Variants in UHRF2 observed in about 807,000 individuals in gnomAD.
UHRF2 encodes ubiquitin like with PHD and ring finger domains 2.
A neutral mutation model predicts 96.8 loss-of-function variants in UHRF2; 23 were observed. The observed-to-expected ratio is 0.24, with a 90% CI of 0.17 to 0.34. The LOEUF (loss-of-function observed/expected upper bound fraction) is 0.34, where lower values mean the gene tolerates loss of function less well. Ranked by LOEUF, UHRF2 falls within the 10% of genes least tolerant of loss-of-function variation. UHRF2 has a pLI of 1.00. For synonymous variants in UHRF2, 385 were observed against 332.6 expected, an observed-to-expected ratio of 1.16 and a Z score of -1.72; for missense variants, 685 against 981.5, an observed-to-expected ratio of 0.70 and a Z score of 4.04.
intron 2 of UHRF2, among the ~76,000 whole-genome samples, chr9:6,424,417 T>G (rs1270732199): frequency 2.0e-5 from 3 of 152,226 alleles, no homozygotes; most frequent in Non-Finnish European, 4.4e-5. Flanking sequence ...AACTTGCCAT[T>G]TTTTTCTATA....
At chr9:6,499,744 C>T in intron 12 of UHRF2, 91 bp from the exon 13 acceptor site, 47 of 695,772 alleles carry the variant, frequency 6.8e-5, no homozygotes, top group East Asian at 1.6e-4. Context: ...TGTAGTCTTC[C>T]CCTCCCTTTT....
chr9:6,422,667 T>C, intron 2 of UHRF2: 1 of 647,262 alleles, frequency 1.5e-6, no homozygotes, highest in Non-Finnish European at 2.9e-6. Flanking sequence ...TGTAGTGCAG[T>C]GACGTGAACA....
intron 4 of UHRF2, chr9:6,468,680 C>A: frequency 2.2e-6 from 1 of 456,054 alleles, no homozygotes. Flanking sequence ...TACTGGACTT[C>A]TGCTGGACAA....
intron 9 of UHRF2, 133 bp downstream of exon 9, chr9:6,487,058 C>G (rs2130927814): frequency 1.3e-6 from 1 of 745,628 alleles, no homozygotes; most frequent in African/African-American, 1.8e-5. Context: ...CAGTTTTATA[C>G]AAGTTAGAAA....
intron 8 of UHRF2, among the ~76,000 whole-genome samples, chr9:6,482,427 C>T (rs909462139): frequency 6.6e-6 from 1 of 152,166 alleles, no homozygotes; most frequent in Non-Finnish European, 1.5e-5. Flanking sequence ...GGCAAATTCT[C>T]ATTGAATGTC....
chr9:6,442,472 GTTTTGTT>G (rs1821230470), intron 3 of UHRF2, among the ~76,000 whole-genome samples: 1 of 2,442 alleles, frequency 4.1e-4, no homozygotes, highest in Non-Finnish European at 1.4e-3. Flanking sequence ...GTTTTGTTTT[GTTTTGTT>G]TGTTTTGTTT....
intron 3 of UHRF2, among the ~76,000 whole-genome samples, chr9:6,439,488 A>C (rs1485312398): frequency 6.6e-6 from 1 of 152,244 alleles, no homozygotes; most frequent in Admixed American, 6.5e-5. Context: ...GTCAGCCTTA[A>C]GGCCTACGTT....
intron 3 of UHRF2, among the ~76,000 whole-genome samples, chr9:6,439,523 C>T (rs1821035783): frequency 6.6e-6 from 1 of 152,214 alleles, no homozygotes; most frequent in Admixed American, 6.5e-5. Flanking sequence ...GTGGTTCACA[C>T]CTTTATGCAG....
intron 9 of UHRF2, among the ~76,000 whole-genome samples, chr9:6,488,800 T>A (rs1367856270): frequency 7.0e-6 from 1 of 143,060 alleles, no homozygotes; most frequent in Non-Finnish European, 1.5e-5. Context: ...CCGTGCTGAG[T>A]GTTTTTTTTT....
intron 12 of UHRF2, 148 bp downstream of exon 12, chr9:6,498,306 A>G (rs2130963155): frequency 1.2e-6 from 1 of 852,700 alleles, no homozygotes; most frequent in Non-Finnish European, 1.7e-6. Context: ...AGACAGAGGA[A>G]AAGAAGAGAA....
intron 3 of UHRF2, among the ~76,000 whole-genome samples, chr9:6,460,161 C>T (rs1478475015): frequency 6.6e-6 from 1 of 152,188 alleles, no homozygotes; most frequent in Non-Finnish European, 1.5e-5. Flanking sequence ...TATTCAGTCT[C>T]CCATTGCGAA....
chr9:6,498,267 T>C, intron 12 of UHRF2, 109 bp downstream of exon 12: 1 of 1,215,574 alleles, frequency 8.2e-7, no homozygotes, highest in Non-Finnish European at 1.1e-6. Context: ...TGGTGGACTA[T>C]AAGGGGTGAG....
At position 6,437,097 on chromosome 9, in the gene UHRF2, A is replaced by G. The variant is rs113907603; in HGVS notation, c.644+2924A>G. Among the ~76,000 whole-genome samples the G allele has an allele frequency of 2.0e-3, 299 of 152,358 alleles. 1 individual carries two copies. Among genetic ancestry groups the G allele is most frequent in the African/African-American group, 6.9e-3 (288 of 41,586 alleles). On this transcript the variant is annotated intron_variant, in intron 3 of 15. Transcript: ENST00000276893. ...TGTTAAAGTTTCATTCTTTGTGATC[A>G]TTAGAAAAATGAATTATAAAATATA...
chr9:6,477,819 C>A lies in UHRF2; in HGVS notation c.1160+11C>A. 1 of 1,575,622 alleles carries A rather than the reference C, an allele frequency of 6.3e-7. No homozygotes were observed. Among genetic ancestry groups the A allele is most frequent in the Non-Finnish European group, 8.7e-7 (1 of 1,155,876 alleles). Reference sequence around the variant, plus strand: ...AGAAGAGGAATACTGGTATGATTATCAGGTTTTTGTTGTTGTTGTTCTTGC... The same window carrying A: ...AGAAGAGGAATACTGGTATGATTATAAGGTTTTTGTTGTTGTTGTTCTTGC... On this transcript the variant is annotated intron_variant, in intron 6 of 15. Transcript: ENST00000276893.
intron 10 of UHRF2, 166 bp downstream of exon 10, chr9:6,494,098 T>C (rs1291356224): frequency 3.4e-6 from 2 of 591,718 alleles, no homozygotes; most frequent in Admixed American, 3.2e-5. Context: ...CATCCTAACA[T>C]ATCTTTATAC....
Position 6,460,773 on chromosome 9 carries a change from G to A in UHRF2, c.845G>A (p.Arg282His), listed in dbSNP as rs781418928. 41 of 1,612,168 alleles carry A rather than the reference G, an allele frequency of 2.5e-5. No individual in the cohort carries two copies. The highest frequency in any genetic ancestry group is 1.2e-4 in the African/African-American group (9 of 74,760). Residue 282 changes from arginine to histidine, a missense_variant, in exon 4 of 16, where the codon CGT becomes CAT. Transcript: ENST00000276893. ...ATCTCAAGGACCAAAAAAGAACTTC[G>A]TGTGAAAATTTTCCTGGGGTAAGAT... is the stretch of plus-strand genomic sequence containing the variant. Reference protein sequence around the residue: ...KTISRTKKELRVKIFLGGSEG... With the variant: ...KTISRTKKELHVKIFLGGSEG...
At chr9:6,437,181 G>T (rs965704391) in intron 3 of UHRF2, among the ~76,000 whole-genome samples, 1 of 152,166 alleles carries the variant, frequency 6.6e-6, no homozygotes, top group African/African-American at 2.4e-5. Context: ...AATGGAGGAT[G>T]CATTGAAGAA....
intron 3 of UHRF2, among the ~76,000 whole-genome samples, chr9:6,452,694 A>G (rs1821945902): frequency 6.6e-6 from 1 of 152,200 alleles, no homozygotes; most frequent in Non-Finnish European, 1.5e-5. Flanking sequence ...TAACTCTTAC[A>G]CTTCTAAGAG....
In UHRF2 at chr9:6,413,312, C is replaced by T. The variant is rs902511091; in HGVS notation, c.-179C>T. On this transcript the variant is annotated 5_prime_UTR_variant, in exon 1 of 16. Coordinates refer to ENST00000276893, the MANE Select transcript of UHRF2 (RefSeq NM_152896.3). ...TCTCTCCTCAAGTCGGCTAGTCGGG[C>T]GCGCGCGCTGAGAGTCGTCGCCGCC... 3.7e-5 allele frequency: 15 copies of T among 408,568 alleles called. No homozygotes were observed. The highest frequency in any genetic ancestry group is 8.3e-5 in the East Asian group (1 of 12,082). 25.3% of individuals were successfully genotyped at this position (408,568 alleles called of 1,614,324 possible). A position where few individuals can be genotyped will look rare whatever the true frequency, so the allele number is the denominator to read the frequency against.
Sources: gnomAD v4.1 joint callset for allele counts (sites outside exome capture counted in the v4.1 genomes callset) on GRCh38, gnomAD v4.1.1 for gene constraint, MANE v1.5 for transcripts, NCBI Gene and HGNC (gene_info 2026-07-23, HGNC 2026-07-21) for gene names.